Variants in MOB3B observed in about 807,000 individuals in gnomAD.
The protein encoded by MOB3B is MOB kinase activator-like 2B.
Under a neutral mutation model 18.7 loss-of-function variants are expected in MOB3B, and 7 were observed. The observed-to-expected ratio is 0.37, with a 90% CI of 0.21 to 0.70. The LOEUF (loss-of-function observed/expected upper bound fraction) is 0.70, where lower values mean the gene tolerates loss of function less well. MOB3B is among the 30% of genes least tolerant of loss of function. The probability of loss-of-function intolerance (pLI) is 0.52; values close to 1 mark genes in which losing one functional copy is unlikely to be tolerated. For synonymous variants in MOB3B, 111 were observed against 99.9 expected, an observed-to-expected ratio of 1.11 and a Z score of -0.66; for missense variants, 253 against 281.3, an observed-to-expected ratio of 0.90 and a Z score of 0.72.
chr9:27,407,147 TTGAG>T (rs1278151367), intron 2 of MOB3B, among the ~76,000 whole-genome samples: 1 of 152,194 alleles, frequency 6.6e-6, no homozygotes, highest in Non-Finnish European at 1.5e-5. Flanking sequence ...CAAAGATTTC[TTGAG>T]TAAGATTTCA....
intron 2 of MOB3B, among the ~76,000 whole-genome samples, chr9:27,373,076 G>A (rs1366257055): frequency 6.6e-6 from 1 of 152,152 alleles, no homozygotes; most frequent in East Asian, 1.9e-4. Context: ...GGCTCCAGAG[G>A]CCATGAGTTT....
intron 2 of MOB3B, among the ~76,000 whole-genome samples, chr9:27,439,365 G>A (rs571737893): frequency 5.3e-5 from 8 of 152,024 alleles, no homozygotes; most frequent in Non-Finnish European, 1.0e-4. Flanking sequence ...CTTCCTAGCC[G>A]GTGAGACTTT....
chr9:27,336,277 G>T (rs908563072), intron 3 of MOB3B, among the ~76,000 whole-genome samples: 5 of 152,262 alleles, frequency 3.3e-5, no homozygotes, highest in Non-Finnish European at 7.4e-5. Context: ...TCTGCTGGAG[G>T]GAGGAGCAAA....
In MOB3B at chr9:27,342,835, G is replaced by A. The variant is rs371988949; in HGVS notation, c.622-12219C>T. Among the ~76,000 whole-genome samples the A allele has an allele frequency of 9.2e-4, 139 of 151,540 alleles. No homozygotes were observed. The South Asian group carries it at 0.026, about 28-fold the overall frequency. The stretch of plus-strand genomic sequence containing the variant: ...TCGCTACAACCTCCACCTCCCAGCC[G>A]CCTGCCTTGGCCTCCCAAAGTGCCG... On this transcript the variant is annotated intron_variant, in intron 3 of 3. Transcript: ENST00000262244.
At chr9:27,510,369 C>A (rs919867995) in intron 1 of MOB3B, among the ~76,000 whole-genome samples, 1 of 152,174 alleles carries the variant, frequency 6.6e-6, no homozygotes. Context: ...TCCCTGTATT[C>A]CATCTTAATT....
chr9:27,494,837 C>A (rs1819873543), intron 1 of MOB3B, among the ~76,000 whole-genome samples: 1 of 152,042 alleles, frequency 6.6e-6, no homozygotes, highest in Non-Finnish European at 1.5e-5. Context: ...GTAACAGTGC[C>A]ACCCCTCCCC....
rs1434227075 is a variant in MOB3B at position 27,374,231 on chromosome 9, TTA to T, written c.419-14997_419-14996del. On this transcript the variant is annotated intron_variant, in intron 2 of 3. Coordinates refer to ENST00000262244, the MANE Select transcript of MOB3B (RefSeq NM_024761.5). ...TGTCTGAAGTATTTTTTTTTTTTTT[TTA>T]AATAATGAGAAACTAAGAGAGGCTG... Among the ~76,000 whole-genome samples, 209 of 122,230 alleles carry T rather than the reference TTA, an allele frequency of 1.7e-3. 1 individual carries two copies. The highest frequency in any genetic ancestry group is 6.5e-3 in the African/African-American group (197 of 30,378). The allele number at this position is 122,230 out of a possible 152,430, so 80.2% of individuals were successfully genotyped here. A position where few individuals can be genotyped will look rare whatever the true frequency, so the allele number is the denominator to read the frequency against.
At chr9:27,415,808 G>T (rs1822137248) in intron 2 of MOB3B, among the ~76,000 whole-genome samples, 1 of 152,164 alleles carries the variant, frequency 6.6e-6, no homozygotes, top group African/African-American at 2.4e-5. Context: ...CCCCTTAACT[G>T]AAGAGCTGTT....
At chr9:27,351,374 A>T (rs1269094092) in intron 3 of MOB3B, among the ~76,000 whole-genome samples, 1 of 152,200 alleles carries the variant, frequency 6.6e-6, no homozygotes, top group Non-Finnish European at 1.5e-5. Context: ...GATTCTAGGG[A>T]TGATGTCTTT....
intron 1 of MOB3B, among the ~76,000 whole-genome samples, chr9:27,472,284 G>GA (rs199519811): frequency 0.013 from 1,842 of 142,346 alleles, 35 homozygotes; most frequent in African/African-American, 0.042. Flanking sequence ...AAAAGCTACA[G>GA]AAAAAAAAAA....
chr9:27,351,301 A>G (rs1050799298), intron 3 of MOB3B, among the ~76,000 whole-genome samples: 6 of 53,248 alleles, frequency 1.1e-4, no homozygotes, highest in Non-Finnish European at 2.3e-4. Context: ...ATCAGTAGTA[A>G]TCCCAGTAGG....
At chr9:27,499,627 T>A (rs879651226) in intron 1 of MOB3B, among the ~76,000 whole-genome samples, 3 of 152,236 alleles carry the variant, frequency 2.0e-5, no homozygotes, top group Admixed American at 6.5e-5. Flanking sequence ...CATTTACTAA[T>A]TCGCTTTCCA....
At chr9:27,418,687 T>G (rs530076655) in intron 2 of MOB3B, among the ~76,000 whole-genome samples, 1 of 152,164 alleles carries the variant, frequency 6.6e-6, no homozygotes, top group East Asian at 1.9e-4. Flanking sequence ...TATATCTTAA[T>G]GTAATAAAAG....
chr9:27,394,651 C>A (rs1821775377), intron 2 of MOB3B, among the ~76,000 whole-genome samples: 1 of 152,208 alleles, frequency 6.6e-6, no homozygotes, highest in African/African-American at 2.4e-5. Context: ...GACGGTCACA[C>A]CTACTTATGC....
intron 1 of MOB3B, among the ~76,000 whole-genome samples, chr9:27,504,194 T>C (rs1350643851): frequency 6.6e-6 from 1 of 152,230 alleles, no homozygotes; most frequent in Non-Finnish European, 1.5e-5. Context: ...TATACGTTGG[T>C]ATTCAGCAAA....
At chr9:27,351,609 T>G (rs1020214921) in intron 3 of MOB3B, among the ~76,000 whole-genome samples, 3 of 152,198 alleles carry the variant, frequency 2.0e-5, no homozygotes, top group Non-Finnish European at 4.4e-5. Flanking sequence ...CAGATGATGT[T>G]TCAAAAGAAA....
At chr9:27,371,773 T>C (rs1008426747) in intron 2 of MOB3B, among the ~76,000 whole-genome samples, 7 of 152,066 alleles carry the variant, frequency 4.6e-5, no homozygotes, top group African/African-American at 1.7e-4. Flanking sequence ...AGCTGATTGT[T>C]GGCCAGCAGG....
chr9:27,409,930 T>G (rs1330650338), intron 2 of MOB3B, among the ~76,000 whole-genome samples: 1 of 147,352 alleles, frequency 6.8e-6, no homozygotes, highest in Admixed American at 6.9e-5. Flanking sequence ...GAGGGAGGGG[T>G]GGGGATGAAG....
intron 2 of MOB3B, among the ~76,000 whole-genome samples, chr9:27,411,485 C>T (rs1259556396): frequency 6.6e-6 from 1 of 152,202 alleles, no homozygotes; most frequent in Non-Finnish European, 1.5e-5. Context: ...CAGCCATCAT[C>T]AGAGCACACA....
Sources: allele counts gnomAD v4.1 joint callset (sites outside exome capture counted in the v4.1 genomes callset), GRCh38; gene constraint gnomAD v4.1.1; transcripts MANE v1.5; gene names NCBI Gene and HGNC (gene_info 2026-07-23, HGNC 2026-07-21).